Variants in TSEN2 observed in about 807,000 individuals in gnomAD.
TSEN2 encodes the protein tRNA-splicing endonuclease subunit Sen2.
Under a neutral mutation model 59.2 loss-of-function variants are expected in TSEN2, and 54 were observed. The observed-to-expected ratio is 0.91, with a 90% confidence interval of 0.73 to 1.14. TSEN2 has a LOEUF of 1.14. TSEN2 is among the 50% of genes most tolerant of loss of function. TSEN2 has a pLI of 0.00. For missense variants in TSEN2, 636 were observed against 576.2 expected, an observed-to-expected ratio of 1.10 and a Z score of -1.06; for synonymous variants, 195 against 198.2, an observed-to-expected ratio of 0.98 and a Z score of 0.14.
intron 4 of TSEN2, among the ~76,000 whole-genome samples, chr3:12,501,344 A>G (rs1306926681): frequency 1.3e-5 from 2 of 152,218 alleles, no homozygotes; most frequent in East Asian, 3.8e-4. Flanking sequence ...GCTGGACACA[A>G]AATGTGCCAT....
At chr3:12,516,702 C>T in intron 7 of TSEN2, 41 bp downstream of exon 7, 1 of 1,587,300 alleles carries the variant, frequency 6.3e-7, no homozygotes, top group South Asian at 1.1e-5. Flanking sequence ...TAAAATTTCC[C>T]TGTTGTTAAA....
intron 6 of TSEN2, 120 bp from the exon 7 acceptor site, chr3:12,516,489 ACC>A: frequency 3.7e-5 from 24 of 644,040 alleles, no homozygotes; most frequent in Non-Finnish European, 5.1e-5. Flanking sequence ...TGTGTGTGTG[ACC>A]TTTTTGATGA....
chr3:12,509,110 A>G (rs1205380463), intron 6 of TSEN2, among the ~76,000 whole-genome samples: 1 of 152,146 alleles, frequency 6.6e-6, no homozygotes, highest in Non-Finnish European at 1.5e-5. Context: ...TTTTTAAATG[A>G]AAGTTGATTT....
In TSEN2 at chr3:12,528,993, CT is replaced by C. The variant is rs911919236; in HGVS notation, c.1136+74del. On this transcript the variant is annotated intron_variant, in intron 9 of 11. Transcript: ENST00000284995. ...AAGGAATTTCTGGCCTCTAATTTAACTTTTTGGTGCCATAGGAACAAAAGTC... is the reference window on the plus strand; with the variant it reads ...AAGGAATTTCTGGCCTCTAATTTAACTTTTGGTGCCATAGGAACAAAAGTC... The C allele has an allele frequency of 9.1e-6, 14 of 1,534,838 alleles. No homozygotes were observed. The African/African-American group carries it at 1.6e-4, about 18-fold the overall frequency.
In TSEN2 at chr3:12,496,527, C is replaced by G; in HGVS notation, c.281C>G (p.Thr94Arg). The G allele has an allele frequency of 6.2e-7, 1 of 1,614,140 alleles. No individual in the cohort carries two copies. The highest frequency in any genetic ancestry group is 8.5e-7 in the Non-Finnish European group (1 of 1,180,024). Residue 94 changes from threonine (T) to arginine (R), a missense_variant, in exon 4 of 12, where the codon ACA (threonine) becomes AGA (arginine). By Grantham distance (71) the Thr-to-Arg change is moderately conservative. Transcript: ENST00000284995. ...KLVAKWKDMK[T>R]NMPIITSKRY... is the part of the protein sequence containing the mutation. ...AACTTCTTTGTTCCAGATATGAAGA[C>G]AAACATGCCTATCATCACATCAAAG...
In TSEN2 at chr3:12,489,948, A is replaced by G; in HGVS notation, c.148A>G (p.Ile50Val). 3 of 1,614,190 alleles carry G rather than the reference A, an allele frequency of 1.9e-6. No homozygotes were observed. The highest frequency in any genetic ancestry group is 2.5e-6 in the Non-Finnish European group (3 of 1,180,038). ...TGCTGAAATGATTAACAACAATGTG[A>G]TTGTGAGGAATGCGGAGGACATTGA... The part of the protein sequence containing the change: ...FRAEMINNNV[I>V]VRNAEDIEQL... The change falls in exon 2 of 12, where the codon ATT becomes GTT. Residue 50 changes from isoleucine (I) to valine (V), a missense_variant. Ile to Val is a conservative substitution (Grantham distance 29). Coordinates refer to ENST00000284995, the MANE Select transcript of TSEN2 (RefSeq NM_025265.4).
chr3:12,500,096 C>G (rs1396233494), intron 4 of TSEN2, among the ~76,000 whole-genome samples: 1 of 152,186 alleles, frequency 6.6e-6, no homozygotes, highest in African/African-American at 2.4e-5. Context: ...CCAGTCCTGT[C>G]ACTGCTTCCA....
chr3:12,505,349 C>G (rs774816027), intron 6 of TSEN2, 118 bp downstream of exon 6: 1 of 747,568 alleles, frequency 1.3e-6, no homozygotes, highest in Non-Finnish European at 2.4e-6. Flanking sequence ...TATTGTAATT[C>G]AGTATTGAAA....
chr3:12,485,955 A>G (rs2052572428), intron 1 of TSEN2, among the ~76,000 whole-genome samples: 1 of 151,912 alleles, frequency 6.6e-6, no homozygotes. Flanking sequence ...TTAAAAATAT[A>G]TATATATAAC....
At chr3:12,527,651 C>T (rs895223428) in intron 8 of TSEN2, among the ~76,000 whole-genome samples, 2 of 152,042 alleles carry the variant, frequency 1.3e-5, no homozygotes, top group African/African-American at 4.8e-5. Flanking sequence ...TGTATATAAA[C>T]CCTAAGTCTC....
rs768475720 is a variant in TSEN2, at chr3:12,503,478, G to A, written c.525G>A (p.Gly175=). The change falls in exon 5 of 12, where the codon GGG becomes GGA. Residue 175 remains glycine, a synonymous_variant. Transcript: ENST00000284995. ...GAGAGAGACCTTCTGTGGTAAACGG[G>A]GACTCTGGAAAGTCAGGTGGTGTGG... is the stretch of plus-strand genomic sequence containing the variant. ...AGGERPSVVN[G]DSGKSGGVGD... 6.8e-6 allele frequency: 11 copies of A among 1,614,216 alleles called. No individual in the cohort carries two copies. In the Middle Eastern group the frequency reaches 9.9e-4, roughly 145 times the overall value.
intron 5 of TSEN2, among the ~76,000 whole-genome samples, chr3:12,504,172 C>A (rs1485340783): frequency 6.6e-6 from 1 of 152,054 alleles, no homozygotes; most frequent in East Asian, 1.9e-4. Flanking sequence ...TCAGAGTTAC[C>A]CTAGAGCTGT....
At chr3:12,481,390 T>A (rs2052192335), upstream of TSEN2, among the ~76,000 whole-genome samples, 2 of 152,226 alleles carry the variant, frequency 1.3e-5, no homozygotes, top group Non-Finnish European at 2.9e-5. Context: ...AGTCACACAG[T>A]GTGCACATTC....
chr3:12,491,726 CTT>C (rs2053229366), intron 2 of TSEN2, among the ~76,000 whole-genome samples: 2 of 152,214 alleles, frequency 1.3e-5, no homozygotes, highest in African/African-American at 2.4e-5. Context: ...GGGCGAACCT[CTT>C]GTTAACTCAG....
intron 1 of TSEN2, among the ~76,000 whole-genome samples, chr3:12,487,584 A>G (rs933899713): frequency 6.6e-6 from 1 of 152,232 alleles, no homozygotes; most frequent in Non-Finnish European, 1.5e-5. Flanking sequence ...ATAAAAGTCC[A>G]AACCATTCCT....
intron 10 of TSEN2, 183 bp downstream of exon 10, chr3:12,530,056 C>T (rs1205729510): frequency 6.3e-6 from 9 of 1,435,414 alleles, no homozygotes; most frequent in Non-Finnish European, 8.2e-6. Flanking sequence ...GTTGTCCTCC[C>T]CTCATGTTAC....
chr3:12,504,310 A>T (rs979986217), intron 5 of TSEN2, among the ~76,000 whole-genome samples: 4 of 152,204 alleles, frequency 2.6e-5, no homozygotes, highest in African/African-American at 7.2e-5. Flanking sequence ...AGCCAGGTGC[A>T]GTGGCTCACA....
chr3:12,528,681 C>G (rs1239433657), intron 8 of TSEN2, among the ~76,000 whole-genome samples: 1 of 152,250 alleles, frequency 6.6e-6, no homozygotes, highest in Non-Finnish European at 1.5e-5. Flanking sequence ...GGTCATGCCA[C>G]TGCACTCCAG....
upstream of TSEN2, among the ~76,000 whole-genome samples, chr3:12,481,923 GTATA>G (rs10557886): frequency 0.15 from 21,805 of 148,240 alleles, 2,107 homozygotes; most frequent in African/African-American, 0.27. Context: ...GTGTGTCTGC[GTATA>G]TATATATATA....
Sources: allele counts gnomAD v4.1 joint callset (sites outside exome capture counted in the v4.1 genomes callset), GRCh38; gene constraint gnomAD v4.1.1; transcripts MANE v1.5; gene names NCBI Gene and HGNC (gene_info 2026-07-23, HGNC 2026-07-21).